Variants in STAG1 observed in about 807,000 individuals in gnomAD.
STAG1 encodes the protein STAG1 cohesin complex component, also known as cohesin subunit SA-1.
STAG1 carries 26 observed loss-of-function variants against 170.9 expected under a neutral mutation model. The ratio of observed to expected loss-of-function variants is 0.15; its 90% confidence interval spans 0.11 to 0.21. The LOEUF is 0.21. Among genes scored for constraint, STAG1 ranks in the 10% least tolerant of loss-of-function variants. The pLI, the probability that STAG1 is intolerant of heterozygous loss-of-function variation, is 1.00. For missense variants in STAG1, 964 were observed against 1,509.5 expected (o/e 0.64, Z 5.99); for synonymous variants, 514 against 497.7 (o/e 1.03, Z -0.44).
rs183871552 is a variant in STAG1 at position 136,524,473 on chromosome 3, T to C, written c.472-3056A>G. Among the ~76,000 whole-genome samples the C allele has an allele frequency of 7.9e-5, 12 of 152,350 alleles. No individual in the cohort carries two copies. The South Asian group carries it at 1.2e-3, about 16-fold the overall frequency. ...ATCCTGAGACTTTGCTGAAGTTGCT[T>C]ATCAGCTTAAGGAGATTTTGGGCTG... On this transcript the variant is annotated intron_variant, in intron 6 of 33. Transcript: ENST00000383202.
chr3:136,401,988 C>T (rs984328193), intron 21 of STAG1, among the ~76,000 whole-genome samples: 3 of 151,968 alleles, frequency 2.0e-5, no homozygotes, highest in African/African-American at 7.3e-5. Flanking sequence ...AGGTGATCCA[C>T]CCGCCTCGAC....
chr3:136,396,216 T>TTG (rs1553801048), intron 22 of STAG1, among the ~76,000 whole-genome samples: 1 of 143,392 alleles, frequency 7.0e-6, no homozygotes, highest in Non-Finnish European at 1.5e-5. Flanking sequence ...ACAGTTTTTT[T>TTG]TTTTTTTTTT....
At chr3:136,598,794 A>C (rs1938545899) in intron 4 of STAG1, among the ~76,000 whole-genome samples, 1 of 152,176 alleles carries the variant, frequency 6.6e-6, no homozygotes, top group Non-Finnish European at 1.5e-5. Context: ...TACCAGGAGA[A>C]TTTATTTTAC....
At chr3:136,535,010 T>C (rs896214300) in intron 6 of STAG1, among the ~76,000 whole-genome samples, 1 of 152,314 alleles carries the variant, frequency 6.6e-6, no homozygotes, top group Non-Finnish European at 1.5e-5. Context: ...TGTCCATCAA[T>C]AGATGAATGG....
At chr3:136,360,927 CAA>C (rs1380292214) in intron 26 of STAG1, among the ~76,000 whole-genome samples, 1 of 152,178 alleles carries the variant, frequency 6.6e-6, no homozygotes, top group African/African-American at 2.4e-5. Context: ...CTCAGCCTCC[CAA>C]AGTGCTGGGA....
chr3:136,553,358 A>G (rs916023380), intron 5 of STAG1, among the ~76,000 whole-genome samples: 4 of 152,216 alleles, frequency 2.6e-5, no homozygotes, highest in Non-Finnish European at 4.4e-5. Context: ...AAGAAAATTT[A>G]AAGAGATAAC....
At position 136,465,071 on chromosome 3, in the gene STAG1, T is replaced by C. The variant is rs1001772723; in HGVS notation, c.1206-83A>G. On this transcript the variant is annotated intron_variant, in intron 12 of 33. Transcript: ENST00000383202. ...TTTTATTTAAACTTGCTAAAGTTCATTATAAAGCTCAAGACTTAATAATTG... is the reference window on the plus strand; with the variant it reads ...TTTTATTTAAACTTGCTAAAGTTCACTATAAAGCTCAAGACTTAATAATTG... 34 of 998,514 alleles carry C rather than the reference T, an allele frequency of 3.4e-5. No individual in the cohort carries two copies. The African/African-American group carries it at 3.4e-4, about 10-fold the overall frequency. 61.9% of individuals were successfully genotyped at this position (998,514 alleles called of 1,614,324 possible).
At chr3:136,738,543 T>C (rs538003046) in intron 1 of STAG1, among the ~76,000 whole-genome samples, 2 of 151,948 alleles carry the variant, frequency 1.3e-5, no homozygotes, top group South Asian at 4.2e-4. Flanking sequence ...CCCAGCTACT[T>C]AGGAGGCTGA....
intron 29 of STAG1, chr3:136,348,924 T>C (rs1170302507): frequency 3.8e-6 from 2 of 524,702 alleles, no homozygotes; most frequent in Non-Finnish European, 6.8e-6. Context: ...AGCTAATTTT[T>C]TCCTCTTTTG....
At chr3:136,666,393 C>T (rs1941776359) in intron 1 of STAG1, among the ~76,000 whole-genome samples, 1 of 152,122 alleles carries the variant, frequency 6.6e-6, no homozygotes, top group African/African-American at 2.4e-5. Flanking sequence ...ATGTTTTAAG[C>T]TTCTAAATTT....
At chr3:136,726,214 C>T (rs1170876211) in intron 1 of STAG1, among the ~76,000 whole-genome samples, 2 of 152,182 alleles carry the variant, frequency 1.3e-5, no homozygotes, top group African/African-American at 4.8e-5. Flanking sequence ...AGCAGCATCC[C>T]TGATCTCTAT....
intron 15 of STAG1, among the ~76,000 whole-genome samples, chr3:136,435,137 A>G (rs1051047548): frequency 6.6e-6 from 1 of 152,234 alleles, no homozygotes; most frequent in Non-Finnish European, 1.5e-5. Flanking sequence ...ACTTGAATAT[A>G]TAAGCAAGTT....
At chr3:136,466,653 C>T (rs1054825730) in intron 12 of STAG1, among the ~76,000 whole-genome samples, 11 of 152,006 alleles carry the variant, frequency 7.2e-5, no homozygotes, top group African/African-American at 1.2e-4. Context: ...ATACAGAGAA[C>T]GCCACAAAGA....
At chr3:136,495,007 G>C (rs1302795362) in intron 9 of STAG1, among the ~76,000 whole-genome samples, 1 of 152,116 alleles carries the variant, frequency 6.6e-6, no homozygotes, top group African/African-American at 2.4e-5. Flanking sequence ...ATCTGTACCA[G>C]TCAAAAAATT....
intron 15 of STAG1, among the ~76,000 whole-genome samples, chr3:136,442,063 T>A (rs2088650662): frequency 6.6e-6 from 1 of 152,136 alleles, no homozygotes; most frequent in Admixed American, 6.5e-5. Context: ...CTGGGCATGA[T>A]GGCATGTGCC....
At chr3:136,731,355 G>A (rs1466036587) in intron 1 of STAG1, among the ~76,000 whole-genome samples, 3 of 152,300 alleles carry the variant, frequency 2.0e-5, no homozygotes, top group Non-Finnish European at 4.4e-5. Flanking sequence ...TCTCCTCTGG[G>A]CAGGTAAACT....
chr3:136,719,427 T>C (rs921868097), intron 1 of STAG1, among the ~76,000 whole-genome samples: 1 of 152,080 alleles, frequency 6.6e-6, no homozygotes, highest in African/African-American at 2.4e-5. Context: ...AATTAGGTAG[T>C]GTTGGCTACA....
chr3:136,519,983 T>G (rs915175102), intron 7 of STAG1, among the ~76,000 whole-genome samples: 5 of 152,122 alleles, frequency 3.3e-5, no homozygotes, highest in African/African-American at 1.2e-4. Context: ...CTGTGCTTCA[T>G]GTTTACTTGG....
At chr3:136,579,433 C>A (rs1937544890) in intron 4 of STAG1, among the ~76,000 whole-genome samples, 1 of 152,120 alleles carries the variant, frequency 6.6e-6, no homozygotes, top group Non-Finnish European at 1.5e-5. Context: ...GCAATCAAGG[C>A]ACTTACCGTG....
Sources: allele counts gnomAD v4.1 joint callset (sites outside exome capture counted in the v4.1 genomes callset), GRCh38; gene constraint gnomAD v4.1.1; transcripts MANE v1.5; gene names NCBI Gene and HGNC (gene_info 2026-07-23, HGNC 2026-07-21).